SPDL1: variants seen among roughly 807,000 people sequenced by gnomAD.
SPDL1 encodes protein Spindly.
Under a neutral mutation model 79.5 loss-of-function variants are expected in SPDL1, and 85 were observed. The ratio of observed to expected loss-of-function variants is 1.07; its 90% confidence interval spans 0.90 to 1.28. The LOEUF is 1.28. Ranked by LOEUF, SPDL1 falls within the 50% of genes most tolerant of loss-of-function variation. SPDL1 has a pLI of 0.00. For synonymous variants in SPDL1, 269 were observed against 240.3 expected, an observed-to-expected ratio of 1.12 and a Z score of -1.10; for missense variants, 703 against 697.8, an observed-to-expected ratio of 1.01 and a Z score of -0.08.
rs914704796 is a variant in SPDL1 at position 169,603,819 on chromosome 5, G to A, written c.1671-241G>A. 3.9e-5 allele frequency among the ~76,000 whole-genome samples: 6 copies of A among 152,154 alleles called. No individual in the cohort carries two copies. In the South Asian group the frequency reaches 1.0e-3, roughly 26 times the overall value. ...CAGTGAGCCGAGATCATGCCACTGC[G>A]CTCCAGCCTGGTGACAGAGTGAGAC... On this transcript the variant is annotated intron_variant, in intron 11 of 11. Transcript: ENST00000265295.
chr5:169,590,642 C>T (rs1446920909), intron 2 of SPDL1: 4 of 424,840 alleles, frequency 9.4e-6, no homozygotes, highest in Admixed American at 2.7e-5. Context: ...TTTTTTTCAA[C>T]TATTATTACT....
At chr5:169,596,378 T>G (rs1755578170) in intron 7 of SPDL1, among the ~76,000 whole-genome samples, 183 bp from the exon 8 acceptor site, 2 of 152,182 alleles carry the variant, frequency 1.3e-5, no homozygotes, top group Non-Finnish European at 2.9e-5. Context: ...TCATAAGTAG[T>G]CAAAATAAGT....
intron 1 of SPDL1, among the ~76,000 whole-genome samples, chr5:169,585,393 T>G (rs187637199): frequency 6.6e-6 from 1 of 152,352 alleles, no homozygotes; most frequent in Admixed American, 6.5e-5. Context: ...TAGCACAATG[T>G]CTCACACAAT....
In SPDL1 at chr5:169,601,474, A is replaced by G. The variant is rs754448485; in HGVS notation, c.1519A>G (p.Ile507Val). 1.1e-5 allele frequency: 17 copies of G among 1,613,712 alleles called. No homozygotes were observed. The highest frequency in any genetic ancestry group is 2.2e-5 in the South Asian group (2 of 91,048). Residue 507 changes from isoleucine (I) to valine (V), a missense_variant, in exon 11 of 12, where the codon ATA becomes GTA. By Grantham distance (29) the Ile-to-Val change is conservative. Transcript: ENST00000265295. ...CTTGCAATTAGAAAAATCAGTTTCT[A>G]TATACACACCAGTAGTCAGTCTCTC... ...NNLQLEKSVSIYTPVVSLSPH... is the reference protein window; with the variant it reads ...NNLQLEKSVSVYTPVVSLSPH...
intron 10 of SPDL1, among the ~76,000 whole-genome samples, chr5:169,599,802 C>T (rs910210848): frequency 3.3e-5 from 5 of 152,096 alleles, no homozygotes; most frequent in East Asian, 3.9e-4. Context: ...GTGAGCCAGG[C>T]GTGGTGGCTC....
In SPDL1 at chr5:169,585,367, A is replaced by C. The variant is rs183089105; in HGVS notation, c.-24+1478A>C. Among the ~76,000 whole-genome samples the C allele has an allele frequency of 5.8e-4, 89 of 152,374 alleles. 1 individual carries two copies. Among genetic ancestry groups the C allele is most frequent in the African/African-American group, 1.9e-3 (77 of 41,596 alleles). ...GACAGGAATATTGTTTTAGGTTGCC[A>C]TTGTGTTGTCAACACTAGCACAATG... On this transcript the variant is annotated intron_variant, in intron 1 of 11. Transcript: ENST00000265295.
rs1047001 is a variant in SPDL1, at chr5:169,588,477, C to A, written c.61C>A (p.Leu21Ile). 2 of 1,613,636 alleles carry A rather than the reference C, an allele frequency of 1.2e-6. No individual in the cohort carries two copies. Among genetic ancestry groups the A allele is most frequent in the Non-Finnish European group, 8.5e-7 (1 of 1,179,844 alleles). The change falls in exon 2 of 12, where the codon CTA (leucine) becomes ATA (isoleucine). Residue 21 changes from leucine to isoleucine, a missense_variant. Transcript: ENST00000265295. ...CRLKEAEEER[L>I]KAAQYGLQLV... ...GCTCAAAGAGGCTGAAGAAGAGCGA[C>A]TAAAAGCTGCACAGTATGGTTTACA...
At chr5:169,600,047 T>C (rs955792129) in intron 10 of SPDL1, among the ~76,000 whole-genome samples, 3 of 152,318 alleles carry the variant, frequency 2.0e-5, no homozygotes, top group African/African-American at 7.2e-5. Flanking sequence ...GTTTACTGTA[T>C]GTAAATTCAA....
chr5:169,587,940 G>A (rs1755070708), intron 1 of SPDL1, among the ~76,000 whole-genome samples: 1 of 152,004 alleles, frequency 6.6e-6, no homozygotes, highest in South Asian at 2.1e-4. Flanking sequence ...GGCTGGTCTC[G>A]AATTCCTGGC....
In SPDL1 at chr5:169,594,663, A is replaced by G. The variant is rs766674608; in HGVS notation, c.873A>G (p.Glu291=). The G allele has an allele frequency of 2.0e-5, 32 of 1,612,232 alleles. No homozygotes were observed. The highest frequency in any genetic ancestry group is 2.5e-5 in the Non-Finnish European group (29 of 1,178,314). ...SLKKQNVFNR[E]QMQRMKLQIA... is the part of the protein sequence containing the mutation. ...AGAAGCAAAATGTATTTAACAGAGAACAGATGCAGAGAATGAAGGTATAGA... is the reference window on the plus strand; with the variant it reads ...AGAAGCAAAATGTATTTAACAGAGAGCAGATGCAGAGAATGAAGGTATAGA... Residue 291 remains glutamate (E), a synonymous_variant, in exon 7 of 12, where the codon GAA becomes GAG. Coordinates refer to ENST00000265295, the MANE Select transcript of SPDL1 (RefSeq NM_017785.5).
intron 8 of SPDL1, among the ~76,000 whole-genome samples, chr5:169,597,466 A>G (rs901656070): frequency 3.9e-5 from 6 of 152,062 alleles, no homozygotes; most frequent in African/African-American, 1.4e-4. Flanking sequence ...TGTTTTATTA[A>G]TTATAAAGGC....
Position 169,588,436 on chromosome 5 carries a change from C to T in SPDL1, c.20C>T (p.Thr7Ile). ...AAGAACATGGAGGCAGATATAATCA[C>T]AAATCTTCGATGCAGGCTCAAAGAG... Reference protein sequence around the residue: MEADIITNLRCRLKEAE... With the variant: MEADIIINLRCRLKEAE... Residue 7 changes from threonine (T) to isoleucine (I), a missense_variant, in exon 2 of 12, where the codon ACA (threonine) becomes ATA (isoleucine). Thr to Ile is a moderately conservative substitution (Grantham distance 89). Transcript: ENST00000265295. The T allele has an allele frequency of 6.2e-7, 1 of 1,610,700 alleles. No individual in the cohort carries two copies. The highest frequency in any genetic ancestry group is 8.5e-7 in the Non-Finnish European group (1 of 1,178,908).
intron 8 of SPDL1, among the ~76,000 whole-genome samples, chr5:169,597,249 TG>T: frequency 6.6e-6 from 1 of 152,022 alleles, no homozygotes; most frequent in African/African-American, 2.4e-5. Context: ...TGTGTGTGTG[TG>T]TGTGTGTGTG....
At chr5:169,603,494 A>G (rs1298501211) in intron 11 of SPDL1, among the ~76,000 whole-genome samples, 1 of 152,168 alleles carries the variant, frequency 6.6e-6, no homozygotes, top group Admixed American at 6.5e-5. Context: ...GCTTATCATG[A>G]TAGGTGCCCT....
At chr5:169,584,447 C>T (rs1026491665) in intron 1 of SPDL1, among the ~76,000 whole-genome samples, 1 of 152,190 alleles carries the variant, frequency 6.6e-6, no homozygotes, top group Non-Finnish European at 1.5e-5. Flanking sequence ...AGATTCTACC[C>T]TAATTGCTTT....
rs1756066569 is a variant in SPDL1, at chr5:169,604,045, C to T, written c.1671-15C>T. 6.2e-7 allele frequency: 1 copy of T among 1,600,544 alleles called. No homozygotes were observed. Among genetic ancestry groups the T allele is most frequent in the Non-Finnish European group, 8.5e-7 (1 of 1,174,542 alleles). On this transcript the variant is annotated splice_polypyrimidine_tract_variant and intron_variant, in intron 11 of 11. Transcript: ENST00000265295. ...ACCACATTTGAATTCAGAGTGGATGCTTTAATGCCTGTAGGTTAGCTGCTG... is the reference window on the plus strand; with the variant it reads ...ACCACATTTGAATTCAGAGTGGATGTTTTAATGCCTGTAGGTTAGCTGCTG...
At chr5:169,590,821 A>G (rs1156682930) in intron 2 of SPDL1, 1 of 568,618 alleles carries the variant, frequency 1.8e-6, no homozygotes, top group African/African-American at 1.8e-5. Flanking sequence ...AAGGCACAGA[A>G]GCAGTAAGGT....
chr5:169,591,309 G>T (rs1207586538), intron 3 of SPDL1, 85 bp downstream of exon 3: 1 of 1,436,860 alleles, frequency 7.0e-7, no homozygotes, highest in African/African-American at 1.4e-5. Context: ...ATTTTCTTAA[G>T]TGTCAGCTTT....
intron 2 of SPDL1, 40 bp downstream of exon 2, chr5:169,588,615 G>A: frequency 6.5e-7 from 1 of 1,543,630 alleles, no homozygotes; most frequent in Non-Finnish European, 8.7e-7. Flanking sequence ...AGTGTGCTTA[G>A]CTATTGAAGA....
Sources: gnomAD v4.1 joint callset for allele counts (sites outside exome capture counted in the v4.1 genomes callset) on GRCh38, gnomAD v4.1.1 for gene constraint, MANE v1.5 for transcripts, NCBI Gene and HGNC (gene_info 2026-07-23, HGNC 2026-07-21) for gene names.